The following STXBP5L variants were observed in gnomAD, a reference collection of about 807,000 sequenced individuals.
STXBP5L encodes the protein syntaxin binding protein 5L, also known as syntaxin-binding protein 5-like.
A neutral mutation model predicts 144.5 loss-of-function variants in STXBP5L; 65 were observed. The ratio of observed to expected loss-of-function variants is 0.45; its 90% CI spans 0.37 to 0.55. The LOEUF (loss-of-function observed/expected upper bound fraction) is 0.55, where lower values mean the gene tolerates loss of function less well. STXBP5L is among the 20% of genes least tolerant of loss of function. The pLI is 0.00. For missense variants in STXBP5L, 1,298 were observed against 1,405.5 expected, an observed-to-expected ratio of 0.92 and a Z score of 1.22; for synonymous variants, 505 against 469.6, an observed-to-expected ratio of 1.08 and a Z score of -0.97.
At chr3:121,197,818 C>A (rs1399963696) in intron 9 of STXBP5L, among the ~76,000 whole-genome samples, 3 of 152,116 alleles carry the variant, frequency 2.0e-5, no homozygotes, top group Non-Finnish European at 2.9e-5. Flanking sequence ...CGGCAAAGGA[C>A]ATGAACTCAT....
chr3:120,932,119 A>G (rs1709972605), intron 2 of STXBP5L, among the ~76,000 whole-genome samples: 1 of 152,170 alleles, frequency 6.6e-6, no homozygotes, highest in Non-Finnish European at 1.5e-5. Context: ...TGTGTATCTA[A>G]GTATATCTCA....
At chr3:121,352,291 C>T (rs1057387544) in intron 20 of STXBP5L, among the ~76,000 whole-genome samples, 6 of 152,172 alleles carry the variant, frequency 3.9e-5, no homozygotes, top group Non-Finnish European at 7.4e-5. Context: ...GCCATTTTCA[C>T]GATATTGATT....
intron 3 of STXBP5L, among the ~76,000 whole-genome samples, chr3:121,005,132 G>T (rs1302659259): frequency 2.0e-5 from 3 of 152,158 alleles, no homozygotes; most frequent in Admixed American, 2.0e-4. Flanking sequence ...AATGTTACCA[G>T]CTCCTCCTTG....
intron 5 of STXBP5L, among the ~76,000 whole-genome samples, chr3:121,077,034 C>G (rs757516577): frequency 6.6e-6 from 1 of 152,206 alleles, no homozygotes; most frequent in African/African-American, 2.4e-5. Context: ...GATAAGAGGT[C>G]TGTGCCTCCC....
At chr3:121,347,870 G>A (rs558431178) in intron 20 of STXBP5L, among the ~76,000 whole-genome samples, 7 of 152,146 alleles carry the variant, frequency 4.6e-5, no homozygotes, top group Non-Finnish European at 8.8e-5. Context: ...GAGACGATGG[G>A]GTTTTCTAGA....
intron 7 of STXBP5L, among the ~76,000 whole-genome samples, chr3:121,124,998 A>G (rs915353238): frequency 6.6e-6 from 1 of 152,186 alleles, no homozygotes; most frequent in Non-Finnish European, 1.5e-5. Flanking sequence ...TTCTACATGT[A>G]TCAAGATTAT....
intron 5 of STXBP5L, among the ~76,000 whole-genome samples, chr3:121,100,076 A>G (rs2043336171): frequency 6.6e-6 from 1 of 152,194 alleles, no homozygotes; most frequent in Non-Finnish European, 1.5e-5. Context: ...ATGCACCCAA[A>G]TTGGAGCACC....
At chr3:120,977,923 C>T (rs1941272290) in intron 3 of STXBP5L, among the ~76,000 whole-genome samples, 1 of 152,244 alleles carries the variant, frequency 6.6e-6, no homozygotes, top group African/African-American at 2.4e-5. Flanking sequence ...TGCTGTTAGT[C>T]TGATGGGCTT....
chr3:121,060,367 G>T (rs956702411), intron 5 of STXBP5L, among the ~76,000 whole-genome samples: 9 of 152,082 alleles, frequency 5.9e-5, no homozygotes, highest in African/African-American at 2.2e-4. Flanking sequence ...TGCTGGACTT[G>T]GTTTGTCAGT....
intron 5 of STXBP5L, among the ~76,000 whole-genome samples, chr3:121,053,145 A>C (rs1046513309): frequency 6.6e-6 from 1 of 152,218 alleles, no homozygotes; most frequent in Non-Finnish European, 1.5e-5. Context: ...AAGAATCAAT[A>C]TCGTGAAAAT....
At chr3:121,262,956 G>T (rs779034637) in intron 18 of STXBP5L, among the ~76,000 whole-genome samples, 1 of 152,202 alleles carries the variant, frequency 6.6e-6, no homozygotes, top group Non-Finnish European at 1.5e-5. Flanking sequence ...CCAGCACAGC[G>T]CTTGAGCTCT....
chr3:121,292,170 G>T lies in STXBP5L; in HGVS notation c.2110+12214G>T, dbSNP rs550662043. Among the ~76,000 whole-genome samples, 7 of 152,038 alleles carry T rather than the reference G, an allele frequency of 4.6e-5. No homozygotes were observed. The East Asian group carries it at 1.4e-3, about 29-fold the overall frequency. On this transcript the variant is annotated intron_variant, in intron 19 of 26. Transcript: ENST00000471454. ...TGCATCTGACAAGGACTAATATCTA[G>T]AATCTATAGGAACTCAAATCAGCCA...
intron 9 of STXBP5L, among the ~76,000 whole-genome samples, chr3:121,202,496 C>T (rs971082578): frequency 6.6e-6 from 1 of 152,094 alleles, no homozygotes. Flanking sequence ...TTTACTGGTA[C>T]TCTGTTCTTT....
chr3:121,068,037 G>A (rs1161345221), intron 5 of STXBP5L, among the ~76,000 whole-genome samples: 2 of 152,160 alleles, frequency 1.3e-5, no homozygotes, highest in Admixed American at 6.5e-5. Flanking sequence ...TTGAGACGGA[G>A]TCTCACTCTG....
chr3:121,316,221 A>T (rs2043783957), intron 19 of STXBP5L, among the ~76,000 whole-genome samples: 1 of 152,198 alleles, frequency 6.6e-6, no homozygotes, highest in African/African-American at 2.4e-5. Context: ...CACGTTGTAA[A>T]TTGGCACAAG....
At chr3:121,135,885 G>A (rs538790795) in intron 7 of STXBP5L, among the ~76,000 whole-genome samples, 1 of 152,278 alleles carries the variant, frequency 6.6e-6, no homozygotes, top group Non-Finnish European at 1.5e-5. Flanking sequence ...AACTACAGTG[G>A]CCTCAAGCCC....
At chr3:121,028,980 A>T (rs1424501593) in intron 3 of STXBP5L, among the ~76,000 whole-genome samples, 1 of 152,194 alleles carries the variant, frequency 6.6e-6, no homozygotes, top group Non-Finnish European at 1.5e-5. Flanking sequence ...AAGGGATGTG[A>T]AGGACCTCTT....
intron 20 of STXBP5L, among the ~76,000 whole-genome samples, chr3:121,369,772 G>A (rs1051985424): frequency 6.6e-6 from 1 of 152,042 alleles, no homozygotes; most frequent in Admixed American, 6.6e-5. Flanking sequence ...CTTTAAAATA[G>A]TTTCATTCAT....
intron 3 of STXBP5L, among the ~76,000 whole-genome samples, chr3:121,041,129 A>G (rs976795909): frequency 1.3e-5 from 2 of 150,358 alleles, no homozygotes; most frequent in Admixed American, 1.3e-4. Context: ...GTTATGTAGC[A>G]TATGTAGATG....
Sources: gnomAD v4.1 joint callset for allele counts (sites outside exome capture counted in the v4.1 genomes callset) on GRCh38, gnomAD v4.1.1 for gene constraint, MANE v1.5 for transcripts, NCBI Gene and HGNC (gene_info 2026-07-23, HGNC 2026-07-21) for gene names.